ZNF407: variants seen among roughly 807,000 people sequenced by gnomAD.
ZNF407 encodes zinc finger protein 407.
A neutral mutation model predicts 131.2 loss-of-function variants in ZNF407; 17 were observed. The observed-to-expected ratio is 0.13, with a 90% confidence interval of 0.09 to 0.19. The LOEUF (loss-of-function observed/expected upper bound fraction) is 0.19. Ranked by LOEUF, ZNF407 falls within the 10% of genes least tolerant of loss-of-function variation. The pLI is 1.00. For missense variants in ZNF407, 2,681 were observed against 2,830.6 expected (o/e 0.95, Z 1.20); for synonymous variants, 1,156 against 1,062.0 (o/e 1.09, Z -1.72).
chr18:74,682,985 T>C (rs1454797112), intron 3 of ZNF407, among the ~76,000 whole-genome samples: 3 of 152,200 alleles, frequency 2.0e-5, no homozygotes, highest in African/African-American at 7.2e-5. Flanking sequence ...GAGTGGATGG[T>C]GCTGGGCTCT....
intron 4 of ZNF407, among the ~76,000 whole-genome samples, chr18:74,828,115 C>T (rs1384606217): frequency 6.6e-6 from 1 of 152,140 alleles, no homozygotes; most frequent in African/African-American, 2.4e-5. Flanking sequence ...GCTATGCTTC[C>T]TTCGCGGCCT....
At chr18:75,046,930 G>A (rs373271142) in intron 8 of ZNF407, among the ~76,000 whole-genome samples, 15 of 152,246 alleles carry the variant, frequency 9.9e-5, no homozygotes, top group African/African-American at 3.1e-4. Context: ...TATGTTCATG[G>A]CAGTTACTCT....
Position 74,781,460 on chromosome 18 carries a change from C to T in ZNF407, c.4835C>T (p.Thr1612Ile). 2 of 1,545,172 alleles carry T rather than the reference C, an allele frequency of 1.3e-6. No individual in the cohort carries two copies. Among genetic ancestry groups the T allele is most frequent in the Non-Finnish European group, 1.7e-6 (2 of 1,145,580 alleles). Reference protein sequence around the residue: ...VAFVMKKHLNTHLLGKHGVGT... With the variant: ...VAFVMKKHLNIHLLGKHGVGT... ...TTTGTAATGAAGAAGCACTTAAATA[C>T]TCATCTACTAGGCAAGCATGGAGTT... is the stretch of plus-strand genomic sequence containing the variant. The change falls in exon 4 of 9, where the codon ACT becomes ATT. Residue 1612 changes from threonine (T) to isoleucine (I), a missense_variant. By Grantham distance (89) the Thr-to-Ile change is moderately conservative (BLOSUM62 -1). This residue lies in a region of ZNF407 where 213 missense variants were observed against 332.2 expected (regional missense o/e 0.64). Transcript: ENST00000299687.
At chr18:74,886,826 A>G (rs543250778) in intron 6 of ZNF407, among the ~76,000 whole-genome samples, 3 of 152,340 alleles carry the variant, frequency 2.0e-5, no homozygotes, top group South Asian at 2.1e-4. Context: ...AGTTTCATCA[A>G]TAACAAAACT....
Position 74,663,583 on chromosome 18 carries a change from C to T in ZNF407, c.4802+22461C>T, listed in dbSNP as rs114819542. 2.5e-4 allele frequency among the ~76,000 whole-genome samples: 38 copies of T among 152,212 alleles called. No homozygotes were observed. In the East Asian group the frequency reaches 2.9e-3, roughly 12 times the overall value. On this transcript the variant is annotated intron_variant, in intron 3 of 8. Transcript: ENST00000299687. ...ACGTGTGGGGAACTGGGAAATTTCACGATAACAAACTGCGCATTTAGGATA... is the reference window on the plus strand; with the variant it reads ...ACGTGTGGGGAACTGGGAAATTTCATGATAACAAACTGCGCATTTAGGATA...
At chr18:75,056,947 A>T (rs1183286531) in intron 8 of ZNF407, among the ~76,000 whole-genome samples, 1 of 152,210 alleles carries the variant, frequency 6.6e-6, no homozygotes, top group African/African-American at 2.4e-5. Context: ...ATTAAGTATG[A>T]TTTCTTAACA....
chr18:74,795,989 G>A (rs1250286294), intron 4 of ZNF407, among the ~76,000 whole-genome samples: 1 of 152,222 alleles, frequency 6.6e-6, no homozygotes, highest in Non-Finnish European at 1.5e-5. Flanking sequence ...GCACATGAAC[G>A]AGTCTCTGGA....
intron 8 of ZNF407, among the ~76,000 whole-genome samples, chr18:75,023,427 T>C (rs1441825754): frequency 6.6e-6 from 1 of 152,122 alleles, no homozygotes; most frequent in Non-Finnish European, 1.5e-5. Flanking sequence ...TAATTATAAT[T>C]AATAGTATGT....
chr18:74,669,388 C>T (rs375549605), intron 3 of ZNF407, among the ~76,000 whole-genome samples: 15 of 152,308 alleles, frequency 9.8e-5, no homozygotes, highest in East Asian at 5.8e-4. Flanking sequence ...CTTTCTTCCT[C>T]AGTGGTCCTA....
chr18:74,930,530 G>C (rs1971970825), intron 8 of ZNF407, among the ~76,000 whole-genome samples: 1 of 152,136 alleles, frequency 6.6e-6, no homozygotes, highest in Non-Finnish European at 1.5e-5. Flanking sequence ...TGTTTAAATG[G>C]TGTTTTTTTT....
intron 3 of ZNF407, among the ~76,000 whole-genome samples, chr18:74,752,038 T>C (rs1212004132): frequency 6.6e-6 from 1 of 152,220 alleles, no homozygotes. Context: ...CACCTGTTGT[T>C]GCCTGACTTT....
Position 74,666,995 on chromosome 18 carries a change from G to C in ZNF407, c.4802+25873G>C, listed in dbSNP as rs142405346. Among the ~76,000 whole-genome samples the C allele has an allele frequency of 2.3e-3, 356 of 152,264 alleles. 2 individuals carry two copies. Among genetic ancestry groups the C allele is most frequent in the African/African-American group, 8.0e-3 (332 of 41,544 alleles). Reference sequence around the variant, plus strand: ...GCCTTCATCTTTTCCCCAGGGTTCTGCTTTCTGCTTTTGTGGGCAGCTGTG... The same window carrying C: ...GCCTTCATCTTTTCCCCAGGGTTCTCCTTTCTGCTTTTGTGGGCAGCTGTG... On this transcript the variant is annotated intron_variant, in intron 3 of 8. Transcript: ENST00000299687.
intron 3 of ZNF407, among the ~76,000 whole-genome samples, chr18:74,678,203 A>T (rs894542566): frequency 1.2e-4 from 19 of 152,080 alleles, no homozygotes; most frequent in African/African-American, 4.6e-4. Context: ...TCCAGTGAGG[A>T]TTTATGTTAA....
At chr18:74,797,174 G>A (rs915630092) in intron 4 of ZNF407, among the ~76,000 whole-genome samples, 1 of 152,170 alleles carries the variant, frequency 6.6e-6, no homozygotes, top group Non-Finnish European at 1.5e-5. Flanking sequence ...GGATCTGTTT[G>A]TCAAAAAGAA....
chr18:74,706,940 C>CCTTTTTTTTTTT (rs1967637808), intron 3 of ZNF407, among the ~76,000 whole-genome samples: 116 of 132,356 alleles, frequency 8.8e-4, no homozygotes, highest in Non-Finnish European at 1.6e-3. Context: ...AAGACAGCAG[C>CCTTTTTTTTTTT]TTTTTTTTTT....
intron 3 of ZNF407, among the ~76,000 whole-genome samples, chr18:74,736,167 CTT>C (rs879683569): frequency 6.6e-6 from 1 of 151,066 alleles, no homozygotes; most frequent in Non-Finnish European, 1.5e-5. Flanking sequence ...AATTTACATG[CTT>C]TTTTTTTAAT....
At chr18:74,756,796 A>G (rs575418812) in intron 3 of ZNF407, among the ~76,000 whole-genome samples, 75 of 152,140 alleles carry the variant, frequency 4.9e-4, no homozygotes, top group African/African-American at 1.8e-3. Context: ...CTCTATACAG[A>G]TTTTAAAATT....
At chr18:74,964,697 A>G (rs957494840) in intron 8 of ZNF407, among the ~76,000 whole-genome samples, 1 of 143,508 alleles carries the variant, frequency 7.0e-6, no homozygotes, top group East Asian at 2.1e-4. Context: ...GACTTTTATT[A>G]CATACATTTA....
At position 74,707,076 on chromosome 18, in the gene ZNF407, G is replaced by A. The variant is rs74820393; in HGVS notation, c.4802+65954G>A. Among the ~76,000 whole-genome samples, 965 of 151,644 alleles carry A rather than the reference G, an allele frequency of 6.4e-3. 8 individuals are homozygous for A. Among genetic ancestry groups the A allele is most frequent in the African/African-American group, 0.022 (903 of 41,226 alleles). The stretch of plus-strand genomic sequence containing the variant: ...CATGATTCTCCTGCCTTAGTCTCCA[G>A]AGTAGCTTGGATTACAGTTATACGA... On this transcript the variant is annotated intron_variant, in intron 3 of 8. Transcript: ENST00000299687.
Sources: allele counts gnomAD v4.1 joint callset (sites outside exome capture counted in the v4.1 genomes callset), GRCh38; gene constraint gnomAD v4.1.1; regional missense constraint gnomAD v4.1.1; transcripts MANE v1.5; gene names NCBI Gene and HGNC (gene_info 2026-07-23, HGNC 2026-07-21).